Variants in TMEM132D observed in about 807,000 individuals in gnomAD.
TMEM132D encodes the protein mature OL transmembrane protein.
TMEM132D carries 21 observed loss-of-function variants against 62.3 expected under a neutral mutation model. The ratio of observed to expected loss-of-function variants is 0.34; its 90% CI spans 0.24 to 0.49. The LOEUF (loss-of-function observed/expected upper bound fraction) is 0.49, where lower values mean the gene tolerates loss of function less well. Ranked by LOEUF, TMEM132D falls within the 20% of genes least tolerant of loss-of-function variation. TMEM132D has a pLI of 0.99. For synonymous variants in TMEM132D, 621 were observed against 575.6 expected (o/e 1.08, Z -1.13); for missense variants, 1,346 against 1,402.8 (o/e 0.96, Z 0.65).
chr12:129,829,926 C>T (rs987989614), intron 1 of TMEM132D, among the ~76,000 whole-genome samples: 2 of 152,152 alleles, frequency 1.3e-5, no homozygotes, highest in Non-Finnish European at 2.9e-5. Context: ...CCAGCTAAAA[C>T]CTCAGGTTTT....
chr12:129,730,630 G>T (rs920727868), intron 1 of TMEM132D, among the ~76,000 whole-genome samples: 5 of 151,978 alleles, frequency 3.3e-5, no homozygotes, highest in African/African-American at 1.2e-4. Flanking sequence ...GTGTGTCCGT[G>T]AGGGTGTTGC....
At chr12:129,649,812 ATG>A (rs148017933) in intron 2 of TMEM132D, among the ~76,000 whole-genome samples, 1,516 of 151,482 alleles carry the variant, frequency 0.01, 22 homozygotes, top group African/African-American at 0.035. Context: ...GTGTGTGTGT[ATG>A]TGTGTATATG....
rs142670617 is a variant in TMEM132D at position 129,277,374 on chromosome 12, G to A, written c.1299+60260C>T. Among the ~76,000 whole-genome samples the A allele has an allele frequency of 2.5e-3, 384 of 152,284 alleles. 5 individuals are homozygous for A. Among genetic ancestry groups the A allele is most frequent in the African/African-American group, 8.8e-3 (366 of 41,566 alleles). Reference sequence around the variant, plus strand: ...TATGAAAAAGTTGTATTCACACAGAGATCTACTCTTACTGCCACAAAGAAT... The same window carrying A: ...TATGAAAAAGTTGTATTCACACAGAAATCTACTCTTACTGCCACAAAGAAT... On this transcript the variant is annotated intron_variant, in intron 4 of 8. Transcript: ENST00000422113. The surrounding 1 kb of genome is among the most constrained non-coding windows in gnomAD (Gnocchi z 4.2).
chr12:129,109,184 AC>A (rs774981393), intron 5 of TMEM132D, among the ~76,000 whole-genome samples: 7 of 152,148 alleles, frequency 4.6e-5, no homozygotes, highest in Non-Finnish European at 7.4e-5. Context: ...GGAGGAAGAG[AC>A]CCCAGGCCCG....
In TMEM132D at chr12:129,088,208, G is replaced by GA. The variant is rs1342412679; in HGVS notation, c.1444-3507_1444-3506insT. On this transcript the variant is annotated intron_variant, in intron 5 of 8. Coordinates refer to ENST00000422113, the MANE Select transcript of TMEM132D (RefSeq NM_133448.3). Reference sequence around the variant, plus strand: ...TGACCGGGGTGTCCTCCATGACCGGGTGTCCTCCATGACCGGGTGTCCTCC... The same window carrying GA: ...TGACCGGGGTGTCCTCCATGACCGGGATGTCCTCCATGACCGGGTGTCCTCC... 2.1e-3 allele frequency among the ~76,000 whole-genome samples: 58 copies of GA among 27,366 alleles called. 1 individual carries two copies. The highest frequency in any genetic ancestry group is 0.045 in the Middle Eastern group (1 of 22). The allele number at this position is 27,366 out of a possible 152,430, so 18.0% of individuals were successfully genotyped here.
intron 2 of TMEM132D, among the ~76,000 whole-genome samples, chr12:129,695,855 C>T (rs939082572): frequency 1.3e-5 from 2 of 152,216 alleles, no homozygotes; most frequent in African/African-American, 4.8e-5. Context: ...CAGCCACCAA[C>T]CTCCATCAGA....
intron 4 of TMEM132D, among the ~76,000 whole-genome samples, chr12:129,337,278 G>T (rs79380551): frequency 0.014 from 2,173 of 152,212 alleles, 22 homozygotes; most frequent in Non-Finnish European, 0.023. Flanking sequence ...GTGTGTTCGA[G>T]ATCCACAGGT....
intron 4 of TMEM132D, among the ~76,000 whole-genome samples, chr12:129,214,514 C>A (rs1361907471): frequency 6.6e-6 from 1 of 152,172 alleles, no homozygotes; most frequent in Admixed American, 6.5e-5. Flanking sequence ...TCTGACAAAA[C>A]CCCAATTTCA....
At chr12:129,517,573 T>G (rs182287620) in intron 3 of TMEM132D, among the ~76,000 whole-genome samples, 79 of 152,254 alleles carry the variant, frequency 5.2e-4, no homozygotes, top group African/African-American at 1.8e-3. Context: ...GACCCCTGAG[T>G]GGGGTGGACC....
At chr12:129,742,475 T>C (rs1869640341) in intron 1 of TMEM132D, among the ~76,000 whole-genome samples, 1 of 152,204 alleles carries the variant, frequency 6.6e-6, no homozygotes, top group African/African-American at 2.4e-5. Context: ...TCCACCTCCA[T>C]GATCTAAACG....
At chr12:129,286,113 T>C (rs1352438755) in intron 4 of TMEM132D, among the ~76,000 whole-genome samples, 2 of 152,236 alleles carry the variant, frequency 1.3e-5, no homozygotes, top group Admixed American at 6.5e-5. Flanking sequence ...AAAGTTTCTC[T>C]AGTTTTAGGT....
intron 1 of TMEM132D, among the ~76,000 whole-genome samples, chr12:129,839,254 C>T (rs768183227): frequency 8.0e-5 from 12 of 150,688 alleles, no homozygotes; most frequent in Non-Finnish European, 1.8e-4. Flanking sequence ...CTCAGCCTCC[C>T]GAGCAGCTGG....
intron 4 of TMEM132D, among the ~76,000 whole-genome samples, chr12:129,334,064 T>A (rs1351132512): frequency 2.6e-5 from 4 of 152,004 alleles, no homozygotes; most frequent in Non-Finnish European, 5.9e-5. Context: ...GAGGTTGCAA[T>A]GAGCTGAGAT....
intron 4 of TMEM132D, among the ~76,000 whole-genome samples, chr12:129,304,274 C>A (rs1881790039): frequency 6.6e-6 from 1 of 152,124 alleles, no homozygotes; most frequent in East Asian, 1.9e-4. Flanking sequence ...CAGGTCATGG[C>A]CTGAGCGATC....
chr12:129,392,908 G>A (rs1004388948), intron 3 of TMEM132D, among the ~76,000 whole-genome samples: 8 of 152,182 alleles, frequency 5.3e-5, no homozygotes, highest in African/African-American at 1.7e-4. Flanking sequence ...AGGATGCATG[G>A]CCCTCTTGTT....
intron 1 of TMEM132D, among the ~76,000 whole-genome samples, chr12:129,892,462 A>T (rs1169784516): frequency 6.6e-6 from 1 of 152,184 alleles, no homozygotes; most frequent in African/African-American, 2.4e-5. Context: ...GCTTGATCTG[A>T]GTGAACAGAT....
At chr12:129,602,408 GGTTT>G (rs1372817101) in intron 2 of TMEM132D, among the ~76,000 whole-genome samples, 2 of 151,874 alleles carry the variant, frequency 1.3e-5, no homozygotes, top group African/African-American at 4.8e-5. Flanking sequence ...GAATTTCACT[GGTTT>G]ATTTAAATTG....
chr12:129,823,900 G>A (rs1210874129), intron 1 of TMEM132D, among the ~76,000 whole-genome samples: 3 of 152,042 alleles, frequency 2.0e-5, no homozygotes, highest in Non-Finnish European at 4.4e-5. Flanking sequence ...TTTAAATTGG[G>A]GGCCTGATTT....
At chr12:129,578,451 T>C (rs986546907) in intron 2 of TMEM132D, among the ~76,000 whole-genome samples, 2 of 151,146 alleles carry the variant, frequency 1.3e-5, no homozygotes, top group Non-Finnish European at 1.5e-5. Flanking sequence ...TGTATATATA[T>C]ATGACTAATA....
Sources: allele counts gnomAD v4.1 joint callset (sites outside exome capture counted in the v4.1 genomes callset), GRCh38; gene constraint gnomAD v4.1.1; non-coding constraint Gnocchi (gnomAD v3.1); transcripts MANE v1.5; gene names NCBI Gene and HGNC (gene_info 2026-07-23, HGNC 2026-07-21).